Variants in NRXN3 observed in about 807,000 individuals in gnomAD.
NRXN3 encodes neurexin 3, also known as neurexin III.
Under a neutral mutation model 137.6 loss-of-function variants are expected in NRXN3, and 32 were observed. The observed-to-expected ratio is 0.23, with a 90% confidence interval of 0.18 to 0.31. NRXN3 has a LOEUF of 0.31. Among genes scored for constraint, NRXN3 ranks in the 10% least tolerant of loss-of-function variants. NRXN3 has a pLI of 1.00. For missense variants in NRXN3, 1,574 were observed against 2,062.5 expected (o/e 0.76, Z 4.59); for synonymous variants, 798 against 784.5 (o/e 1.02, Z -0.29).
At chr14:78,405,619 G>GGGA (rs1037982363) in intron 4 of NRXN3, among the ~76,000 whole-genome samples, 2 of 141,824 alleles carry the variant, frequency 1.4e-5, no homozygotes, top group African/African-American at 2.6e-5. Context: ...GGGGCGGGGG[G>GGGA]GTTCCGGGTA....
At chr14:79,510,175 A>C (rs952606975) in intron 16 of NRXN3, among the ~76,000 whole-genome samples, 1 of 152,214 alleles carries the variant, frequency 6.6e-6, no homozygotes, top group African/African-American at 2.4e-5. Context: ...AGAGAATCAA[A>C]GTTAAGTGAT....
chr14:79,171,672 T>G (rs1428988682), intron 15 of NRXN3, among the ~76,000 whole-genome samples: 2 of 152,198 alleles, frequency 1.3e-5, no homozygotes, highest in Admixed American at 1.3e-4. Context: ...TATTTAAGTG[T>G]GTCAGAACTT....
chr14:79,475,311 G>A (rs2096550100), intron 16 of NRXN3, among the ~76,000 whole-genome samples: 1 of 152,046 alleles, frequency 6.6e-6, no homozygotes, highest in African/African-American at 2.4e-5. Flanking sequence ...AGAAGGAAAG[G>A]CCAAATGGCT....
At chr14:79,262,723 G>T (rs2153410622) in intron 15 of NRXN3, among the ~76,000 whole-genome samples, 1 of 152,334 alleles carries the variant, frequency 6.6e-6, no homozygotes, top group Middle Eastern at 3.4e-3. Context: ...TCCTGTAAGT[G>T]CTGCACACAT....
intron 10 of NRXN3, among the ~76,000 whole-genome samples, chr14:78,838,829 A>G (rs1231034915): frequency 6.6e-6 from 1 of 152,164 alleles, no homozygotes; most frequent in Non-Finnish European, 1.5e-5. Context: ...CTTTCTGGCC[A>G]AGAGCTGTGC....
rs1298969589 is a variant in NRXN3, at chr14:79,861,120, T to TC, written c.4094-216dup. The TC allele has an allele frequency of 1.4e-6, 2 of 1,474,914 alleles. No individual in the cohort carries two copies. The highest frequency in any genetic ancestry group is 2.5e-5 in the East Asian group (1 of 40,340). 91.4% of individuals were successfully genotyped at this position (1,474,914 alleles called of 1,614,324 possible). A position where few individuals can be genotyped will look rare whatever the true frequency, so the allele number is the denominator to read the frequency against. ...GCTACTCGTGCACCTTCCATTACAC[T>TC]CCCCCCTACCTTTCGCCCCCTCCTC... is the stretch of plus-strand genomic sequence containing the variant. On this transcript the variant is annotated intron_variant, in intron 20 of 20. Transcript: ENST00000335750. This position sits in a 1 kb window ranked among gnomAD's most constrained non-coding sequence, Gnocchi z 5.4.
chr14:78,254,322 C>A (rs2069139085), intron 2 of NRXN3, among the ~76,000 whole-genome samples: 1 of 152,122 alleles, frequency 6.6e-6, no homozygotes, highest in South Asian at 2.1e-4. Context: ...CCCCCATACC[C>A]AACTAGGTTT....
intron 16 of NRXN3, among the ~76,000 whole-genome samples, chr14:79,499,833 G>C (rs1009719770): frequency 6.6e-6 from 1 of 152,082 alleles, no homozygotes; most frequent in Non-Finnish European, 1.5e-5. Flanking sequence ...GATATGGACT[G>C]ACTCATTTAT....
At chr14:79,535,278 C>G (rs1225836317) in intron 16 of NRXN3, among the ~76,000 whole-genome samples, 1 of 152,002 alleles carries the variant, frequency 6.6e-6, no homozygotes, top group Non-Finnish European at 1.5e-5. Context: ...GTAATTTTGC[C>G]CTTGTCAAAG....
chr14:79,570,543 C>T, intron 16 of NRXN3: 1 of 152,320 alleles, frequency 6.6e-6, no homozygotes, highest in Non-Finnish European at 1.5e-5. Context: ...ATGTGCGGAA[C>T]AGACCCTGAG....
At chr14:78,854,479 G>T (rs1356319091) in intron 10 of NRXN3, among the ~76,000 whole-genome samples, 3 of 151,932 alleles carry the variant, frequency 2.0e-5, no homozygotes, top group Admixed American at 2.0e-4. Context: ...ATATTTCAGT[G>T]GTAGGTAAAT....
chr14:78,679,468 A>G lies in NRXN3; in HGVS notation c.1221+28142A>G, dbSNP rs995534786. Among the ~76,000 whole-genome samples the G allele has an allele frequency of 4.7e-4, 72 of 152,222 alleles. 1 individual carries two copies. The highest frequency in any genetic ancestry group is 1.7e-3 in the African/African-American group (71 of 41,470). ...ACCTTATATTATTCAGCTTAGCCTGAAAGCCCAACTGTGCAACAGAAAATG... is the reference window on the plus strand; with the variant it reads ...ACCTTATATTATTCAGCTTAGCCTGGAAGCCCAACTGTGCAACAGAAAATG... On this transcript the variant is annotated intron_variant, in intron 6 of 20. Transcript: ENST00000335750.
intron 16 of NRXN3, among the ~76,000 whole-genome samples, chr14:79,588,837 T>A (rs1004989772): frequency 6.6e-6 from 1 of 152,190 alleles, no homozygotes; most frequent in African/African-American, 2.4e-5. Flanking sequence ...GTACATGAGA[T>A]GTTTTGGTAT....
chr14:78,292,815 C>G (rs1276346606), intron 3 of NRXN3, among the ~76,000 whole-genome samples: 1 of 152,100 alleles, frequency 6.6e-6, no homozygotes, highest in Non-Finnish European at 1.5e-5. Context: ...TTTGGCAGCC[C>G]TGGAATATCA....
chr14:78,537,600 A>G (rs188578027), intron 4 of NRXN3, among the ~76,000 whole-genome samples: 373 of 152,172 alleles, frequency 2.5e-3, no homozygotes, highest in African/African-American at 8.6e-3. Context: ...CCATGCAGAA[A>G]CTGTTTGGTT....
intron 19 of NRXN3, among the ~76,000 whole-genome samples, chr14:79,701,028 G>A (rs1243860083): frequency 6.6e-6 from 1 of 151,998 alleles, no homozygotes; most frequent in Non-Finnish European, 1.5e-5. Flanking sequence ...CTGAAAACAA[G>A]ACAGGCTTTA....
chr14:79,698,206 C>T (rs555246526), intron 19 of NRXN3, among the ~76,000 whole-genome samples: 8 of 152,110 alleles, frequency 5.3e-5, no homozygotes, highest in East Asian at 1.9e-4. Flanking sequence ...ATGGACTACA[C>T]TTTCAGTATG....
chr14:79,742,561 G>A lies in NRXN3; in HGVS notation c.4014+44624G>A, dbSNP rs372444192. On this transcript the variant is annotated intron_variant, in intron 19 of 20. Transcript: ENST00000335750. ...CAAGTATTTCTAAATAAAAGTAGAA[G>A]TTGGGCCATGTTTTTAAAATTTCTA... Among the ~76,000 whole-genome samples, 6 of 152,190 alleles carry A rather than the reference G, an allele frequency of 3.9e-5. No homozygotes were observed. In the East Asian group the frequency reaches 1.2e-3, roughly 29 times the overall value.
intron 4 of NRXN3, among the ~76,000 whole-genome samples, chr14:78,514,074 G>A (rs924583727): frequency 6.6e-6 from 1 of 152,048 alleles, no homozygotes; most frequent in African/African-American, 2.4e-5. Flanking sequence ...AGTTTCTGCT[G>A]CCACCTTTCA....
Sources: allele counts gnomAD v4.1 joint callset (sites outside exome capture counted in the v4.1 genomes callset), GRCh38; gene constraint gnomAD v4.1.1; non-coding constraint Gnocchi (gnomAD v3.1); transcripts MANE v1.5; gene names NCBI Gene and HGNC (gene_info 2026-07-23, HGNC 2026-07-21).